MUC4: variants seen among roughly 807,000 people sequenced by gnomAD.
MUC4 encodes the protein mucin 4, cell surface associated, also known as mucin-4.
MUC4 carries 202 observed loss-of-function variants against 257.9 expected under a neutral mutation model. The observed-to-expected ratio is 0.78, with a 90% CI of 0.70 to 0.88. The LOEUF is 0.88. Ranked by LOEUF, MUC4 falls within the 40% of genes least tolerant of loss-of-function variation. MUC4 has a pLI of 0.00. For missense variants in MUC4, 5,976 were observed against 6,513.7 expected, an observed-to-expected ratio of 0.92 and a Z score of 2.84; for synonymous variants, 2,351 against 2,757.1, an observed-to-expected ratio of 0.85 and a Z score of 4.62.
chr3:195,763,724 T>A, intron 11 of MUC4, 83 bp from the exon 12 acceptor site: 1 of 1,332,932 alleles, frequency 7.5e-7, no homozygotes. Context: ...GGTGCGGCAC[T>A]TGTCCAGGAG....
Position 195,788,242 on chromosome 3 carries a change from A to T in MUC4, c.3338T>A (p.Val1113Glu), listed in dbSNP as rs71321849. The T allele has an allele frequency of 2.5e-5, 26 of 1,025,054 alleles. No individual in the cohort carries two copies. The highest frequency in any genetic ancestry group is 1.4e-4 in the East Asian group (1 of 7,404). 63.5% of individuals were successfully genotyped at this position (1,025,054 alleles called of 1,614,324 possible). A position where few individuals can be genotyped will look rare whatever the true frequency, so the allele number is the denominator to read the frequency against. Residue 1113 changes from valine (V) to glutamate (E), a missense_variant, in exon 2 of 25, where the codon GTA becomes GAA. By Grantham distance (121) the Val-to-Glu change is moderately radical (BLOSUM62 -2). Transcript: ENST00000463781. ...TSLPVTDTSS[V>E]STGHTTPLPV... ...AAGAGGGGTGGTGTGACCTGTGGAT[A>T]CTGAGGAAGTGTCGGTGACAGGAAG... is the stretch of plus-strand genomic sequence containing the variant.
At position 195,769,128 on chromosome 3, in the gene MUC4, A is replaced by T; in HGVS notation, c.13423T>A (p.Ser4475Thr). ...GCATAGGACCTGCTCCCGTCCGTGGAGAGGATGGCTTGGTAGGTGTTGCTC... is the reference window on the plus strand; with the variant it reads ...GCATAGGACCTGCTCCCGTCCGTGGTGAGGATGGCTTGGTAGGTGTTGCTC... ...LGSNTYQAIL[S>T]TDGSRSYALF... Residue 4475 changes from serine to threonine, a missense_variant, in exon 7 of 25, where the codon TCC becomes ACC. Physicochemically the swap from Ser to Thr is moderately conservative, Grantham distance 58. This residue lies in a region of MUC4 where 996 missense variants were observed against 1,137.3 expected (regional missense o/e 0.88). Transcript: ENST00000463781. The T allele has an allele frequency of 6.2e-7, 1 of 1,614,120 alleles. No individual in the cohort carries two copies. Among genetic ancestry groups the T allele is most frequent in the African/African-American group, 1.3e-5 (1 of 75,046 alleles).
At chr3:195,792,974 G>A (rs537676727) in intron 1 of MUC4, among the ~76,000 whole-genome samples, 19 of 152,246 alleles carry the variant, frequency 1.2e-4, no homozygotes, top group South Asian at 2.1e-4. Flanking sequence ...ACACACTGGC[G>A]CCTGTCAGGG....
chr3:195,754,775 T>G lies in MUC4; in HGVS notation c.15169-403A>C, dbSNP rs111327031. On this transcript the variant is annotated intron_variant, in intron 18 of 24. Coordinates refer to ENST00000463781, the MANE Select transcript of MUC4 (RefSeq NM_018406.7). ...GTATCCATGTATGTATGTATCCATG[T>G]ATGTATGTGTGTATCCATGCATGTA... Among the ~76,000 whole-genome samples the G allele has an allele frequency of 2.5e-3, 383 of 152,240 alleles. 2 individuals are homozygous for G. The highest frequency in any genetic ancestry group is 3.3e-3 in the South Asian group (16 of 4,828).
intron 19 of MUC4, chr3:195,753,697 G>A (rs577195965): frequency 2.5e-5 from 5 of 201,268 alleles, no homozygotes; most frequent in Admixed American, 1.2e-4. Flanking sequence ...TGGTGACTCA[G>A]AGCGGGAGGA....
chr3:195,763,039 GC>G, intron 12 of MUC4, 94 bp from the exon 13 acceptor site: 1 of 1,086,568 alleles, frequency 9.2e-7, no homozygotes, highest in Non-Finnish European at 1.3e-6. Context: ...TGGAAGCTGC[GC>G]CCTGGGCCGG....
In MUC4 at chr3:195,766,806, G is replaced by A. The variant is rs909253048; in HGVS notation, c.13530-55C>T. Reference sequence around the variant, plus strand: ...TGCCGTGCACAGGCTCTTGCCTCGCGGTTGCAAGGCGTCCATTCATCCCGC... The same window carrying A: ...TGCCGTGCACAGGCTCTTGCCTCGCAGTTGCAAGGCGTCCATTCATCCCGC... On this transcript the variant is annotated intron_variant, in intron 7 of 24. Coordinates refer to ENST00000463781, the MANE Select transcript of MUC4 (RefSeq NM_018406.7). 36 of 1,515,266 alleles carry A rather than the reference G, an allele frequency of 2.4e-5. 1 individual carries two copies. The highest frequency in any genetic ancestry group is 1.4e-4 in the Admixed American group (8 of 59,188). The allele number at this position is 1,515,266 out of a possible 1,614,324, so 93.9% of individuals were successfully genotyped here.
rs1458352654 is a variant in MUC4 at position 195,762,247 on chromosome 3, C to T, written c.14352G>A (p.Glu4784=). ...QPDHEDGGGQ[E]TFNATGVLLS... is the part of the protein sequence containing the mutation. ...GGAGGACTCCGGTGGCGTTGAACGT[C>T]TCCTGGCCTGGAGCATCGGGAGGCA... Residue 4784 remains glutamate, a synonymous_variant, in exon 14 of 25, where the codon GAG becomes GAA. Coordinates refer to ENST00000463781, the MANE Select transcript of MUC4 (RefSeq NM_018406.7). The T allele has an allele frequency of 1.3e-6, 2 of 1,581,826 alleles. No individual in the cohort carries two copies.
intron 4 of MUC4, among the ~76,000 whole-genome samples, chr3:195,772,023 G>GCGTCCT (rs1329533793): frequency 2.0e-5 from 3 of 152,184 alleles, no homozygotes; most frequent in Non-Finnish European, 2.9e-5. Flanking sequence ...GCCATCCCTT[G>GCGTCCT]CGTCCTCGGG....
chr3:195,766,775 G>A (rs1174144790), intron 7 of MUC4, 24 bp from the exon 8 acceptor site: 1 of 1,607,640 alleles, frequency 6.2e-7, no homozygotes, highest in Admixed American at 1.7e-5. Context: ...GAGACTCTCA[G>A]GCCTCTGCCG....
intron 1 of MUC4, among the ~76,000 whole-genome samples, chr3:195,800,732 G>A (rs1379164098): frequency 1.3e-5 from 2 of 152,144 alleles, no homozygotes; most frequent in African/African-American, 4.8e-5. Flanking sequence ...CCTAGTGGAT[G>A]GAGAGACTAT....
At position 195,768,858 on chromosome 3, in the gene MUC4, C is replaced by T. The variant is rs114018242; in HGVS notation, c.13529+164G>A. Among the ~76,000 whole-genome samples, 1,142 of 152,336 alleles carry T rather than the reference C, an allele frequency of 7.5e-3. 22 individuals carry two copies. Among genetic ancestry groups the T allele is most frequent in the African/African-American group, 0.027 (1,103 of 41,572 alleles). On this transcript the variant is annotated intron_variant, in intron 7 of 24. Transcript: ENST00000463781. The stretch of plus-strand genomic sequence containing the variant: ...AAATGGGTGATCTTGTCGTGGGAAG[C>T]AGCCAGATGCCTGGCCCCAGCGGGA...
chr3:195,747,465 T>A, intron 24 of MUC4, 85 bp from the exon 25 acceptor site: 1 of 1,450,666 alleles, frequency 6.9e-7, no homozygotes, highest in Non-Finnish European at 9.5e-7. Flanking sequence ...AAGAAGAGGT[T>A]CTGTAGGAGA....
chr3:195,762,027 G>C, intron 14 of MUC4, 60 bp downstream of exon 14: 9 of 1,516,216 alleles, frequency 5.9e-6, no homozygotes, highest in Non-Finnish European at 5.3e-6. Flanking sequence ...CCGCCGGCGT[G>C]GGGGTCCGAG....
Position 195,755,823 on chromosome 3 carries a change from C to T in MUC4, c.15168+1324G>A, listed in dbSNP as rs914710277. ...CCCTACCTCTATCCCTTTCGAGTAC[C>T]CATTCTCTGCTCATGCTTCAGAAGG... On this transcript the variant is annotated intron_variant, in intron 18 of 24. Transcript: ENST00000463781. The surrounding 1 kb of genome is among the most constrained non-coding windows in gnomAD (Gnocchi z 5.0). Among the ~76,000 whole-genome samples the T allele has an allele frequency of 6.6e-6, 1 of 152,098 alleles. No homozygotes were observed. Among genetic ancestry groups the T allele is most frequent in the Non-Finnish European group, 1.5e-5 (1 of 68,022 alleles).
chr3:195,762,974 C>T lies in MUC4; in HGVS notation c.14254-29G>A, dbSNP rs546063269. 1.3e-5 allele frequency: 20 copies of T among 1,503,094 alleles called. No homozygotes were observed. The East Asian group carries it at 3.7e-4, about 28-fold the overall frequency. The allele number at this position is 1,503,094 out of a possible 1,614,324, so 93.1% of individuals were successfully genotyped here. A position where few individuals can be genotyped will look rare whatever the true frequency, so the allele number is the denominator to read the frequency against. ...GAAGGAGATGGGAGGGGGCCTGAGC[C>T]CGACCCGCAGGTGGAGCCGACGCCC... is the stretch of plus-strand genomic sequence containing the variant. On this transcript the variant is annotated intron_variant, in intron 12 of 24. Transcript: ENST00000463781.
intron 7 of MUC4, among the ~76,000 whole-genome samples, chr3:195,767,493 CACCATCACCACCACCAT>C (rs1720898344): frequency 4.8e-5 from 7 of 145,038 alleles, no homozygotes; most frequent in African/African-American, 1.3e-4. Flanking sequence ...CCACCACCAT[CACCATCACCACCACCAT>C]CACCATCACC....
chr3:195,803,841 GAA>G (rs1735655995), intron 1 of MUC4, among the ~76,000 whole-genome samples: 1 of 152,158 alleles, frequency 6.6e-6, no homozygotes, highest in East Asian at 1.9e-4. Context: ...CAAAGATGGA[GAA>G]ATGGTCACTG....
intron 18 of MUC4, among the ~76,000 whole-genome samples, chr3:195,756,828 A>T (rs1304894209): frequency 6.6e-6 from 1 of 151,902 alleles, no homozygotes; most frequent in East Asian, 1.9e-4. Context: ...ACGCCCAGCT[A>T]ATTTTTGTAT....
Sources: allele counts gnomAD v4.1 joint callset (sites outside exome capture counted in the v4.1 genomes callset), GRCh38; gene constraint gnomAD v4.1.1; regional missense constraint gnomAD v4.1.1; non-coding constraint Gnocchi (gnomAD v3.1); transcripts MANE v1.5; gene names NCBI Gene and HGNC (gene_info 2026-07-23, HGNC 2026-07-21).